COBL: variants seen among roughly 807,000 people sequenced by gnomAD.
COBL encodes protein cordon-bleu.
COBL carries 51 observed loss-of-function variants against 98.8 expected under a neutral mutation model. That is an observed-to-expected ratio of 0.52 (90% CI 0.41 to 0.65). The LOEUF is 0.65. COBL is among the 30% of genes least tolerant of loss of function. COBL has a pLI of 0.00. For synonymous variants in COBL, 634 were observed against 651.7 expected (o/e 0.97, Z 0.41); for missense variants, 1,617 against 1,617.5 (o/e 1.00, Z 0.01).
At chr7:51,124,509 T>C (rs1798022090) in intron 6 of COBL, among the ~76,000 whole-genome samples, 1 of 152,206 alleles carries the variant, frequency 6.6e-6, no homozygotes, top group Non-Finnish European at 1.5e-5. Flanking sequence ...AGATGGCCTT[T>C]CCAACACTGA....
chr7:51,086,860 CTAAAATTCTGTAATATATTTTACA>C (rs1354765731), intron 6 of COBL, among the ~76,000 whole-genome samples: 6 of 152,018 alleles, frequency 3.9e-5, no homozygotes, highest in African/African-American at 1.2e-4. Context: ...TCCTATACCT[CTAAAATTCTGTAATATATTTTACA>C]TAAAACATGG....
chr7:51,142,993 C>T (rs1784680675), intron 5 of COBL, among the ~76,000 whole-genome samples: 1 of 152,014 alleles, frequency 6.6e-6, no homozygotes, highest in East Asian at 1.9e-4. Context: ...AGATGCAGTG[C>T]ATGGTGCAAA....
chr7:51,201,766 C>A (rs1020108455), intron 2 of COBL, among the ~76,000 whole-genome samples: 1 of 151,904 alleles, frequency 6.6e-6, no homozygotes, highest in African/African-American at 2.4e-5. Context: ...GTGCCTTTTC[C>A]AGCCATAATG....
chr7:51,144,929 C>T, intron 5 of COBL, among the ~76,000 whole-genome samples: 1 of 152,246 alleles, frequency 6.6e-6, no homozygotes, highest in African/African-American at 2.4e-5. Flanking sequence ...CTTATCCACT[C>T]ATCTGTTCAT....
chr7:51,253,864 C>T (rs1796961997), intron 1 of COBL, among the ~76,000 whole-genome samples: 1 of 152,190 alleles, frequency 6.6e-6, no homozygotes, highest in African/African-American at 2.4e-5. Flanking sequence ...GTGTTATCAA[C>T]TTTAGACAGT....
intron 1 of COBL, among the ~76,000 whole-genome samples, chr7:51,298,462 G>A (rs1801619569): frequency 6.6e-6 from 1 of 152,248 alleles, no homozygotes; most frequent in Non-Finnish European, 1.5e-5. Context: ...CTCCTGCAAT[G>A]ACATTCTCCA....
chr7:51,062,984 C>T (rs1024352469), intron 7 of COBL, among the ~76,000 whole-genome samples: 1 of 152,108 alleles, frequency 6.6e-6, no homozygotes, highest in Non-Finnish European at 1.5e-5. Flanking sequence ...GCAGGGCAGG[C>T]ACTTCATTTT....
chr7:51,201,025 T>C (rs2129065088), intron 2 of COBL, among the ~76,000 whole-genome samples: 1 of 152,002 alleles, frequency 6.6e-6, no homozygotes, highest in African/African-American at 2.4e-5. Context: ...CAGATCACGA[T>C]GTCAGGAGTT....
intron 5 of COBL, among the ~76,000 whole-genome samples, chr7:51,138,176 G>C (rs1283649626): frequency 6.6e-6 from 1 of 152,154 alleles, no homozygotes; most frequent in Non-Finnish European, 1.5e-5. Context: ...ATAGGAAACA[G>C]GTGACGGTGA....
chr7:51,214,921 C>T (rs1792881669), intron 2 of COBL, among the ~76,000 whole-genome samples: 1 of 152,154 alleles, frequency 6.6e-6, no homozygotes, highest in Non-Finnish European at 1.5e-5. Context: ...AGTGTCCAGG[C>T]CAACATACCT....
chr7:51,080,136 G>C (rs1793492200), intron 7 of COBL, among the ~76,000 whole-genome samples: 1 of 152,172 alleles, frequency 6.6e-6, no homozygotes, highest in Admixed American at 6.5e-5. Context: ...ACCTTACAGA[G>C]GTCAGGGAGG....
intron 1 of COBL, among the ~76,000 whole-genome samples, chr7:51,264,251 CAAA>C (rs1797972693): frequency 1.3e-5 from 2 of 152,172 alleles, no homozygotes; most frequent in South Asian, 4.1e-4. Flanking sequence ...AGAAGGGGCT[CAAA>C]CGTTCTTCCT....
At chr7:51,140,098 A>G (rs1346813623) in intron 5 of COBL, among the ~76,000 whole-genome samples, 1 of 152,242 alleles carries the variant, frequency 6.6e-6, no homozygotes, top group African/African-American at 2.4e-5. Context: ...GATCTTATCA[A>G]ATTTTCTCAG....
chr7:51,251,342 G>A (rs1006779089), intron 1 of COBL, among the ~76,000 whole-genome samples: 2 of 152,204 alleles, frequency 1.3e-5, no homozygotes, highest in African/African-American at 4.8e-5. Context: ...GGTGAAGGCT[G>A]AATGTTAACA....
intron 5 of COBL, among the ~76,000 whole-genome samples, chr7:51,171,780 T>A (rs1787899025): frequency 6.6e-6 from 1 of 152,132 alleles, no homozygotes; most frequent in Admixed American, 6.6e-5. Context: ...AAAGTCCGTA[T>A]TAAAGACTTT....
intron 6 of COBL, among the ~76,000 whole-genome samples, chr7:51,105,324 C>T (rs1796162208): frequency 1.3e-5 from 2 of 152,354 alleles, no homozygotes; most frequent in South Asian, 4.1e-4. Flanking sequence ...ACAGGCTCTG[C>T]AGCAGCCTGC....
intron 7 of COBL, among the ~76,000 whole-genome samples, chr7:51,076,285 AG>A (rs977173821): frequency 6.6e-6 from 1 of 152,256 alleles, no homozygotes; most frequent in Admixed American, 6.5e-5. Context: ...ATAAGGCATT[AG>A]GGGACTCTAA....
At chr7:51,070,573 A>C (rs1394643636) in intron 7 of COBL, among the ~76,000 whole-genome samples, 2 of 152,152 alleles carry the variant, frequency 1.3e-5, no homozygotes, top group African/African-American at 2.4e-5. Context: ...TGGAAGATGC[A>C]CTCTTATCCC....
intron 7 of COBL, among the ~76,000 whole-genome samples, chr7:51,069,460 G>A (rs763669826): frequency 3.9e-4 from 60 of 152,364 alleles, no homozygotes; most frequent in Admixed American, 1.5e-3. Context: ...GGTGGGCTCC[G>A]CAGTGCATGG....
Sources: allele counts gnomAD v4.1 joint callset (sites outside exome capture counted in the v4.1 genomes callset), GRCh38; gene constraint gnomAD v4.1.1; transcripts MANE v1.5; gene names NCBI Gene and HGNC (gene_info 2026-07-23, HGNC 2026-07-21).